PANK1: variants seen among roughly 807,000 people sequenced by gnomAD.
PANK1 encodes the protein pantothenate kinase 1.
PANK1 carries 18 observed loss-of-function variants against 40.1 expected under a neutral mutation model. The ratio of observed to expected loss-of-function variants is 0.45; its 90% CI spans 0.31 to 0.67. The LOEUF (loss-of-function observed/expected upper bound fraction) is 0.67, where lower values mean the gene tolerates loss of function less well. PANK1 is among the 30% of genes least tolerant of loss of function. The probability of loss-of-function intolerance (pLI) is 0.06; values close to 1 mark genes in which losing one functional copy is unlikely to be tolerated. For synonymous variants in PANK1, 242 were observed against 237.7 expected (o/e 1.02, Z -0.17); for missense variants, 457 against 599.6 (o/e 0.76, Z 2.48).
chr10:89,641,761 AAATAAAT>A (rs1198135372), intron 1 of PANK1, among the ~76,000 whole-genome samples: 35 of 127,440 alleles, frequency 2.7e-4, no homozygotes, highest in African/African-American at 7.3e-4. Context: ...ATAAATAAAT[AAATAAAT>A]AAATAAAATA....
chr10:89,630,106 G>C (rs1841589896), intron 1 of PANK1, among the ~76,000 whole-genome samples: 1 of 152,166 alleles, frequency 6.6e-6, no homozygotes, highest in Non-Finnish European at 1.5e-5. Context: ...TCTAAGCCTT[G>C]ACTAAAATTT....
At chr10:89,642,826 T>C (rs147308952) in intron 1 of PANK1, among the ~76,000 whole-genome samples, 1 of 152,210 alleles carries the variant, frequency 6.6e-6, no homozygotes, top group Admixed American at 6.5e-5. Flanking sequence ...TGGTAAATAA[T>C]GTAAATCCAA....
chr10:89,634,755 A>C (rs550674535), intron 1 of PANK1, among the ~76,000 whole-genome samples: 14 of 152,340 alleles, frequency 9.2e-5, no homozygotes, highest in Non-Finnish European at 1.8e-4. Context: ...TTTTTAAAAA[A>C]TAACCATGTC....
intron 1 of PANK1, among the ~76,000 whole-genome samples, chr10:89,614,798 C>CA (rs35455215): frequency 0.039 from 5,639 of 145,572 alleles, 400 homozygotes; most frequent in East Asian, 0.28. Context: ...CCCCCTATCT[C>CA]AAAAAAAAAA....
rs373541542 is a variant in PANK1 at position 89,606,062 on chromosome 10, A to G, written c.645+5634T>C. On this transcript the variant is annotated intron_variant, in intron 2 of 6. Transcript: ENST00000307534. ...GCAGTAGGTCTAAATAGTGGGCTTA[A>G]ATATTTAGTAAACCATGTTATAAAC... 2.8e-4 allele frequency among the ~76,000 whole-genome samples: 42 copies of G among 152,324 alleles called. No individual in the cohort carries two copies. The South Asian group carries it at 8.3e-3, about 30-fold the overall frequency.
intron 1 of PANK1, among the ~76,000 whole-genome samples, chr10:89,621,729 AG>A (rs141114568): frequency 0.065 from 9,809 of 151,922 alleles, 453 homozygotes; most frequent in Middle Eastern, 0.11. Flanking sequence ...TTTTACTTTT[AG>A]GGGGATGGAG....
intron 3 of PANK1, among the ~76,000 whole-genome samples, chr10:89,595,258 C>T (rs1844526533): frequency 6.6e-6 from 1 of 151,950 alleles, no homozygotes; most frequent in African/African-American, 2.4e-5. Flanking sequence ...TGAGACCAGC[C>T]TGGCCAACAA....
chr10:89,593,233 G>A lies in PANK1; in HGVS notation c.1164C>T (p.Asn388=), dbSNP rs1844456221. The A allele has an allele frequency of 1.2e-6, 2 of 1,613,708 alleles. No homozygotes were observed. The highest frequency in any genetic ancestry group is 2.7e-5 in the African/African-American group (2 of 74,920). ...CGCACATCCGAGCAATGGAGCCAAT[G>A]TTGTTGGTGATGGTGACCAATGTGG... ...ARATLVTITN[N]IGSIARMCAL... The change falls in exon 5 of 7, where the codon AAC becomes AAT. Residue 388 remains asparagine, a synonymous_variant. Transcript: ENST00000307534.
chr10:89,629,799 A>G (rs1003890542), intron 1 of PANK1, among the ~76,000 whole-genome samples: 1 of 152,256 alleles, frequency 6.6e-6, no homozygotes, highest in Non-Finnish European at 1.5e-5. Flanking sequence ...GCTGCAAATC[A>G]TAACTGTTCT....
In PANK1 at chr10:89,583,080, C is replaced by T. The variant is rs566156558; in HGVS notation, c.*1326G>A. 7.2e-5 allele frequency: 11 copies of T among 152,102 alleles called. No individual in the cohort carries two copies. The highest frequency in any genetic ancestry group is 1.0e-4 in the Non-Finnish European group (7 of 67,984). The allele number at this position is 152,102 out of a possible 1,614,324, so 9.4% of individuals were successfully genotyped here. ...GACTTGAAGATATGGAAATTAAAGA[C>T]GGTGCTCAGAAGGCAGAGAAAGGAA... On this transcript the variant is annotated 3_prime_UTR_variant, in exon 7 of 7. Transcript: ENST00000307534.
chr10:89,644,658 G>C lies in PANK1; in HGVS notation c.234C>G (p.Ser78=), dbSNP rs1842062018. The part of the protein sequence containing the change: ...QPQPLLPQHD[S]PAKKCRLRRR... ...TCCGCAGCCGGCATTTCTTGGCCGG[G>C]GAGTCATGCTGAGGGAGCAGTGGCT... The change falls in exon 1 of 7, where the codon TCC becomes TCG. Residue 78 remains serine, a synonymous_variant. Coordinates refer to ENST00000307534, the MANE Select transcript of PANK1 (RefSeq NM_148977.3). 2.5e-6 allele frequency: 4 copies of C among 1,577,802 alleles called. No homozygotes were observed. Among genetic ancestry groups the C allele is most frequent in the Non-Finnish European group, 3.4e-6 (4 of 1,168,028 alleles).
intron 1 of PANK1, among the ~76,000 whole-genome samples, chr10:89,627,345 T>C (rs1186850402): frequency 6.6e-6 from 1 of 152,220 alleles, no homozygotes; most frequent in Non-Finnish European, 1.5e-5. Context: ...GTATTAGGTA[T>C]TAAATCATCT....
chr10:89,615,875 G>A (rs913482259), intron 1 of PANK1, among the ~76,000 whole-genome samples: 10 of 152,160 alleles, frequency 6.6e-5, no homozygotes, highest in Non-Finnish European at 1.2e-4. Flanking sequence ...TGTGGATGGA[G>A]ACAGAAGAGA....
intron 2 of PANK1, among the ~76,000 whole-genome samples, chr10:89,600,343 C>A (rs1428724651): frequency 6.6e-6 from 1 of 152,194 alleles, no homozygotes; most frequent in Non-Finnish European, 1.5e-5. Context: ...TTTGAGCCCA[C>A]AAAGCCCTAC....
At chr10:89,619,380 G>A (rs1458151292) in intron 1 of PANK1, among the ~76,000 whole-genome samples, 2 of 152,044 alleles carry the variant, frequency 1.3e-5, no homozygotes, top group African/African-American at 4.8e-5. Flanking sequence ...AAGACATGAG[G>A]TGAAAAAAAC....
At chr10:89,601,939 G>T (rs1368600384) in intron 2 of PANK1, among the ~76,000 whole-genome samples, 2 of 152,122 alleles carry the variant, frequency 1.3e-5, no homozygotes, top group Non-Finnish European at 2.9e-5. Flanking sequence ...TCACATTCTG[G>T]CTTGTTTTCT....
rs1023557712 is a variant in PANK1, at chr10:89,608,220, G to A, written c.645+3476C>T. On this transcript the variant is annotated intron_variant, in intron 2 of 6. Transcript: ENST00000307534. Reference sequence around the variant, plus strand: ...CTGATTTTTTGTATTTTTAGTAGAGGCGGGGTTTCACCGTGTTAGCCAGGA... The same window carrying A: ...CTGATTTTTTGTATTTTTAGTAGAGACGGGGTTTCACCGTGTTAGCCAGGA... Among the ~76,000 whole-genome samples, 6 of 151,738 alleles carry A rather than the reference G, an allele frequency of 4.0e-5. 1 individual carries two copies. The highest frequency in any genetic ancestry group is 1.9e-4 in the East Asian group (1 of 5,172).
At position 89,636,859 on chromosome 10, in the gene PANK1, G is replaced by A. The variant is rs1212101390; in HGVS notation, c.292+7741C>T. Among the ~76,000 whole-genome samples, 4 of 149,528 alleles carry A rather than the reference G, an allele frequency of 2.7e-5. No individual in the cohort carries two copies. In the East Asian group the frequency reaches 8.1e-4, roughly 30 times the overall value. ...AAGCTGTGGCCTGAGCCACACCAGA[G>A]CACCCCTCTTTTTTTTTTTTGAGAC... On this transcript the variant is annotated intron_variant, in intron 1 of 6. Coordinates refer to ENST00000307534, the MANE Select transcript of PANK1 (RefSeq NM_148977.3).
intron 3 of PANK1, among the ~76,000 whole-genome samples, chr10:89,595,661 A>C (rs1844541642): frequency 6.6e-6 from 1 of 150,636 alleles, no homozygotes; most frequent in African/African-American, 2.4e-5. Context: ...CTCTATTAAA[A>C]ATACAAAAAT....
Sources: allele counts gnomAD v4.1 joint callset (sites outside exome capture counted in the v4.1 genomes callset), GRCh38; gene constraint gnomAD v4.1.1; transcripts MANE v1.5; gene names NCBI Gene and HGNC (gene_info 2026-07-23, HGNC 2026-07-21).